Variants in FER1L6 observed in about 807,000 individuals in gnomAD.
FER1L6 encodes fer-1-like protein 6.
In FER1L6, 177 loss-of-function variants were observed where a neutral mutation model predicts 219.2. The observed-to-expected ratio is 0.81, with a 90% CI of 0.71 to 0.91. FER1L6 has a LOEUF of 0.91. Ranked by LOEUF, FER1L6 falls within the 40% of genes least tolerant of loss-of-function variation. The pLI is 0.00. For synonymous variants in FER1L6, 768 were observed against 824.3 expected, an observed-to-expected ratio of 0.93 and a Z score of 1.17; for missense variants, 2,153 against 2,259.9, an observed-to-expected ratio of 0.95 and a Z score of 0.96.
Position 124,061,975 on chromosome 8 carries a change from A to G in FER1L6, c.3271A>G (p.Lys1091Glu). The change falls in exon 25 of 41, where the codon AAA becomes GAA. Residue 1091 changes from lysine (K) to glutamate (E), a missense_variant. Coordinates refer to ENST00000522917, the MANE Select transcript of FER1L6 (RefSeq NM_001039112.2). ...TINYLKQFLC[K>E]LREPLAPITQ... ...CAACTACTTGAAGCAGTTTTTGTGT[A>G]AACTCAGAGAGCCCCTTGCCCCCAT... The G allele has an allele frequency of 6.2e-7, 1 of 1,614,172 alleles. No homozygotes were observed. The highest frequency in any genetic ancestry group is 8.5e-7 in the Non-Finnish European group (1 of 1,180,016).
intron 33 of FER1L6, among the ~76,000 whole-genome samples, chr8:124,089,426 A>G (rs1821926839): frequency 6.6e-6 from 1 of 152,148 alleles, no homozygotes; most frequent in Non-Finnish European, 1.5e-5. Context: ...TGTCTTTCTT[A>G]CCCTCTTTAG....
chr8:123,928,666 C>A (rs1563690198), intron 1 of FER1L6, among the ~76,000 whole-genome samples: 1 of 152,150 alleles, frequency 6.6e-6, no homozygotes, highest in East Asian at 1.9e-4. Context: ...GTTTCACAGC[C>A]TTTAACACAT....
intron 18 of FER1L6, among the ~76,000 whole-genome samples, chr8:124,025,094 G>C (rs185296883): frequency 6.6e-6 from 1 of 152,072 alleles, no homozygotes; most frequent in Admixed American, 6.6e-5. Flanking sequence ...GTAGATTCTG[G>C]ATATTAGTCC....
At chr8:124,110,862 A>G (rs1373476122) in intron 39 of FER1L6, among the ~76,000 whole-genome samples, 2 of 152,078 alleles carry the variant, frequency 1.3e-5, no homozygotes, top group African/African-American at 2.4e-5. Context: ...AAACATATTT[A>G]TTTTTAAAGC....
chr8:124,010,850 C>T (rs550028167), intron 14 of FER1L6, 136 bp downstream of exon 14: 17 of 1,224,376 alleles, frequency 1.4e-5, no homozygotes, highest in South Asian at 1.1e-4. Flanking sequence ...TTGGAGGGCA[C>T]GTGGATCCTA....
chr8:123,969,475 A>G (rs896190252), intron 5 of FER1L6, among the ~76,000 whole-genome samples: 2 of 152,178 alleles, frequency 1.3e-5, no homozygotes, highest in East Asian at 3.8e-4. Context: ...TTATAGAGAG[A>G]TGGCTATTTT....
chr8:124,071,308 T>C (rs746774866), intron 30 of FER1L6, among the ~76,000 whole-genome samples, 198 bp from the exon 31 acceptor site: 80 of 152,180 alleles, frequency 5.3e-4, no homozygotes, highest in Non-Finnish European at 9.4e-4. Context: ...CAATGCCAAT[T>C]CACTGGTGTA....
chr8:124,095,729 G>A (rs551862032), intron 35 of FER1L6, among the ~76,000 whole-genome samples: 2 of 152,262 alleles, frequency 1.3e-5, no homozygotes, highest in African/African-American at 4.8e-5. Context: ...TAATCAAGCT[G>A]GTACAAGGAA....
Position 123,980,451 on chromosome 8 carries a change from T to A in FER1L6, c.1064-14T>A. Reference sequence around the variant, plus strand: ...AAAACATAATGAGATAACTAAAACCTGGGGTCTCTCTAGGCTTTCTGCCCA... The same window carrying A: ...AAAACATAATGAGATAACTAAAACCAGGGGTCTCTCTAGGCTTTCTGCCCA... On this transcript the variant is annotated splice_polypyrimidine_tract_variant and intron_variant, in intron 10 of 40. Transcript: ENST00000522917. 6.4e-7 allele frequency: 1 copy of A among 1,569,178 alleles called. No homozygotes were observed. The highest frequency in any genetic ancestry group is 8.6e-7 in the Non-Finnish European group (1 of 1,159,274).
chr8:124,013,560 G>T, intron 15 of FER1L6, 29 bp downstream of exon 15: 2 of 1,490,198 alleles, frequency 1.3e-6, no homozygotes, highest in African/African-American at 1.4e-5. Flanking sequence ...GGCATAGGCG[G>T]AGCTGAGCTT....
At chr8:123,866,179 T>G (rs997162706) in intron 1 of FER1L6, among the ~76,000 whole-genome samples, 11 of 152,116 alleles carry the variant, frequency 7.2e-5, no homozygotes, top group African/African-American at 2.4e-4. Context: ...ATAGGTGAGA[T>G]TATACGGTAT....
intron 1 of FER1L6, among the ~76,000 whole-genome samples, chr8:123,930,606 T>C (rs1055449224): frequency 6.6e-6 from 1 of 151,710 alleles, no homozygotes; most frequent in Non-Finnish European, 1.5e-5. Context: ...AGGGAGGGAG[T>C]GCCTGGGTTC....
At chr8:124,013,328 C>CAAAA in intron 14 of FER1L6, 103 bp from the exon 15 acceptor site, 1 of 597,634 alleles carries the variant, frequency 1.7e-6, no homozygotes, top group Non-Finnish European at 2.7e-6. Flanking sequence ...ATTGCCAAAA[C>CAAAA]AAAAAAAAAA....
Position 123,855,568 on chromosome 8 carries a change from A to G in FER1L6, c.-8+3383A>G, listed in dbSNP as rs1012046480. Among the ~76,000 whole-genome samples the G allele has an allele frequency of 2.0e-5, 3 of 152,082 alleles. No individual in the cohort carries two copies. In the East Asian group the frequency reaches 5.8e-4, roughly 29 times the overall value. On this transcript the variant is annotated intron_variant, in intron 1 of 40. Transcript: ENST00000522917. ...TGTGGGTTTATGTCCTGACTCTGCC[A>G]TGGACCAAAAACATGATCTTGGGCC...
chr8:124,080,398 A>C (rs1586678788), intron 32 of FER1L6, among the ~76,000 whole-genome samples: 1 of 151,842 alleles, frequency 6.6e-6, no homozygotes, highest in South Asian at 2.1e-4. Flanking sequence ...GCTCACTGCA[A>C]CCTCCACCTG....
chr8:124,085,524 A>G (rs1441913610), intron 33 of FER1L6, among the ~76,000 whole-genome samples: 1 of 152,002 alleles, frequency 6.6e-6, no homozygotes, highest in Non-Finnish European at 1.5e-5. Context: ...ATGTGTTTGT[A>G]TAGTTTCCAA....
At chr8:124,057,407 T>C (rs1455422289) in intron 22 of FER1L6, among the ~76,000 whole-genome samples, 1 of 152,212 alleles carries the variant, frequency 6.6e-6, no homozygotes, top group African/African-American at 2.4e-5. Context: ...TTCTTTATTT[T>C]TGGTTTTTAG....
chr8:123,886,055 G>A (rs750269671), intron 1 of FER1L6, among the ~76,000 whole-genome samples: 4 of 152,272 alleles, frequency 2.6e-5, no homozygotes, highest in Admixed American at 1.3e-4. Context: ...TTGAGACTGC[G>A]TTCGGAGTAC....
At chr8:123,872,171 C>T (rs1226631015) in intron 1 of FER1L6, among the ~76,000 whole-genome samples, 1 of 152,130 alleles carries the variant, frequency 6.6e-6, no homozygotes, top group African/African-American at 2.4e-5. Context: ...ATCATGAGGA[C>T]AGTACCAAGG....
Sources: gnomAD v4.1 joint callset for allele counts (sites outside exome capture counted in the v4.1 genomes callset) on GRCh38, gnomAD v4.1.1 for gene constraint, MANE v1.5 for transcripts, NCBI Gene and HGNC (gene_info 2026-07-23, HGNC 2026-07-21) for gene names.